The following RHOA variants were observed in gnomAD, a reference collection of about 807,000 sequenced individuals.
The protein encoded by RHOA is ras homolog family member A.
RHOA carries 3 observed loss-of-function variants against 17.5 expected under a neutral mutation model. The observed-to-expected ratio is 0.17, with a 90% CI of 0.08 to 0.44. RHOA has a LOEUF of 0.44. Among genes scored for constraint, RHOA ranks in the 20% least tolerant of loss-of-function variants. RHOA has a pLI of 0.99. For synonymous variants in RHOA, 98 were observed against 88.4 expected (o/e 1.11, Z -0.61); for missense variants, 56 against 242.3 (o/e 0.23, Z 5.10).
chr3:49,375,407 A>C (rs1358551098), intron 2 of RHOA, 27 bp downstream of exon 2: 2 of 1,587,266 alleles, frequency 1.3e-6, no homozygotes, highest in East Asian at 4.5e-5. Context: ...GGAAAATGGC[A>C]TCAGTTGTTA....
chr3:49,371,039 A>T (rs2107842719), intron 2 of RHOA, among the ~76,000 whole-genome samples: 1 of 152,064 alleles, frequency 6.6e-6, no homozygotes, highest in African/African-American at 2.4e-5. Flanking sequence ...CAATTATCAC[A>T]ATCTGTCTGC....
At chr3:49,373,653 A>T (rs1053512328) in intron 2 of RHOA, among the ~76,000 whole-genome samples, 2 of 152,116 alleles carry the variant, frequency 1.3e-5, no homozygotes, top group African/African-American at 4.8e-5. Flanking sequence ...TAAAAACATA[A>T]ATTACCCAGG....
intron 2 of RHOA, among the ~76,000 whole-genome samples, chr3:49,374,647 G>GGGA (rs2048196665): frequency 6.6e-6 from 1 of 151,992 alleles, no homozygotes; most frequent in Non-Finnish European, 1.5e-5. Context: ...GCTTGAACCC[G>GGGA]GGAGGTGGAG....
chr3:49,393,225 C>T (rs1023269678), intron 1 of RHOA, among the ~76,000 whole-genome samples: 1 of 152,046 alleles, frequency 6.6e-6, no homozygotes. Flanking sequence ...TCCCATCCAT[C>T]TTTTACGCTT....
In RHOA at chr3:49,378,170, TA is replaced by T. The variant is rs71627382; in HGVS notation, c.-2-2580del. Among the ~76,000 whole-genome samples the T allele has an allele frequency of 1.5e-3, 138 of 90,474 alleles. 1 individual carries two copies. Among genetic ancestry groups the T allele is most frequent in the African/African-American group, 2.7e-3 (64 of 23,734 alleles). The allele number at this position is 90,474 out of a possible 152,430, so 59.4% of individuals were successfully genotyped here. On this transcript the variant is annotated intron_variant, in intron 1 of 4. Coordinates refer to ENST00000418115, the MANE Select transcript of RHOA (RefSeq NM_001664.4). ...TGGGCAACAGAGTGAAACTGTGTCT[TA>T]AAAAAAAAAAAAAAAAAAAAGAGAG...
At chr3:49,366,782 C>T (rs1457606818) in intron 3 of RHOA, 1 of 152,144 alleles carries the variant, frequency 6.6e-6, no homozygotes, top group Non-Finnish European at 1.5e-5. Context: ...CAGTTATCAT[C>T]ATTAAGGTAG....
intron 3 of RHOA, among the ~76,000 whole-genome samples, chr3:49,367,563 G>A (rs2048079612): frequency 6.6e-6 from 1 of 151,508 alleles, no homozygotes; most frequent in African/African-American, 2.4e-5. Flanking sequence ...TTTGGGAGAT[G>A]GAGTCTGCAG....
At chr3:49,397,607 T>C (rs1254081760) in intron 1 of RHOA, among the ~76,000 whole-genome samples, 3 of 152,120 alleles carry the variant, frequency 2.0e-5, no homozygotes, top group Non-Finnish European at 4.4e-5. Flanking sequence ...CTGCCAGTTA[T>C]AAAGACTACA....
chr3:49,361,080 A>C (rs867405723), intron 4 of RHOA: 11 of 167,246 alleles, frequency 6.6e-5, no homozygotes, highest in South Asian at 3.0e-4. Context: ...CTCAAAAAAA[A>C]CAAAACAAAA....
At chr3:49,408,143 A>C (rs1007383110) in intron 1 of RHOA, among the ~76,000 whole-genome samples, 3 of 146,554 alleles carry the variant, frequency 2.0e-5, no homozygotes, top group African/African-American at 7.6e-5. Context: ...CGGACGACAG[A>C]GTGAGACTCA....
chr3:49,383,693 C>A (rs1234875095), intron 1 of RHOA, among the ~76,000 whole-genome samples: 2 of 152,108 alleles, frequency 1.3e-5, no homozygotes, highest in African/African-American at 2.4e-5. Flanking sequence ...AATGTCCAGA[C>A]TCTGTCTCCA....
Position 49,363,698 on chromosome 3 carries a change from T to C in RHOA, c.278-1072A>G, listed in dbSNP as rs375470810. Among the ~76,000 whole-genome samples, 196 of 149,874 alleles carry C rather than the reference T, an allele frequency of 1.3e-3. 8 individuals are homozygous for C. The South Asian group carries it at 0.041, about 31-fold the overall frequency. On this transcript the variant is annotated intron_variant, in intron 3 of 4. Transcript: ENST00000418115. ...GAAACCTCATCTCTACTAAAATTACTAAAATTAGCCGGGCGCAGTGGTGTG... is the reference window on the plus strand; with the variant it reads ...GAAACCTCATCTCTACTAAAATTACCAAAATTAGCCGGGCGCAGTGGTGTG...
chr3:49,388,963 G>C (rs1304123783), intron 1 of RHOA, among the ~76,000 whole-genome samples: 1 of 152,126 alleles, frequency 6.6e-6, no homozygotes, highest in Admixed American at 6.6e-5. Context: ...AAAATACTAT[G>C]CTCAGTAAAA....
At chr3:49,395,995 A>G (rs2048608922) in intron 1 of RHOA, among the ~76,000 whole-genome samples, 1 of 152,166 alleles carries the variant, frequency 6.6e-6, no homozygotes, top group Non-Finnish European at 1.5e-5. Flanking sequence ...AGGGGCAGTG[A>G]TCTAGCCAAA....
chr3:49,366,851 A>G (rs2048064654), intron 3 of RHOA: 1 of 152,074 alleles, frequency 6.6e-6, no homozygotes, highest in African/African-American at 2.4e-5. Context: ...CCGAGGCCAC[A>G]AGCAGACCCT....
intron 2 of RHOA, among the ~76,000 whole-genome samples, chr3:49,371,185 T>C (rs2048141710): frequency 6.6e-6 from 1 of 152,124 alleles, no homozygotes; most frequent in South Asian, 2.1e-4. Context: ...GTCTGTCTCA[T>C]ATCAAAAGGG....
chr3:49,390,462 C>T (rs1238690405), intron 1 of RHOA, among the ~76,000 whole-genome samples: 4 of 151,810 alleles, frequency 2.6e-5, no homozygotes, highest in African/African-American at 9.7e-5. Flanking sequence ...GACGGGTTCA[C>T]CATGTTGGCC....
At chr3:49,387,794 T>C (rs1307454143) in intron 1 of RHOA, among the ~76,000 whole-genome samples, 1 of 151,998 alleles carries the variant, frequency 6.6e-6, no homozygotes, top group African/African-American at 2.4e-5. Context: ...TATGCTTTTA[T>C]GATGTTTTTG....
At chr3:49,387,388 G>A (rs1335030610) in intron 1 of RHOA, among the ~76,000 whole-genome samples, 2 of 146,350 alleles carry the variant, frequency 1.4e-5, no homozygotes, top group African/African-American at 5.1e-5. Context: ...AGGTTGCAAT[G>A]AGCCGAGATC....
Sources: gnomAD v4.1 joint callset for allele counts (sites outside exome capture counted in the v4.1 genomes callset) on GRCh38, gnomAD v4.1.1 for gene constraint, MANE v1.5 for transcripts, NCBI Gene and HGNC (gene_info 2026-07-23, HGNC 2026-07-21) for gene names.